The following FAAP24 variants were observed in gnomAD, a reference collection of about 807,000 sequenced individuals.
FAAP24 encodes FA core complex associated protein 24.
A neutral mutation model predicts 14.3 loss-of-function variants in FAAP24; 16 were observed. That is an observed-to-expected ratio of 1.12 (90% CI 0.76 to 1.69). FAAP24 has a LOEUF of 1.69. Ranked by LOEUF, FAAP24 falls within the 40% of genes most tolerant of loss-of-function variation. FAAP24 has a pLI of 0.00. For missense variants in FAAP24, 234 were observed against 262.7 expected (o/e 0.89, Z 0.75); for synonymous variants, 111 against 106.2 (o/e 1.04, Z -0.28).
At position 32,974,100 on chromosome 19, in the gene FAAP24, G is replaced by A. The variant is rs78628256; in HGVS notation, c.284G>A (p.Arg95Gln). 874 of 1,614,094 alleles carry A rather than the reference G, an allele frequency of 5.4e-4. 4 individuals are homozygous for A. The African/African-American group carries it at 9.7e-3, about 18-fold the overall frequency. Residue 95 changes from arginine (R) to glutamine (Q), a missense_variant, in exon 4 of 5, where the codon CGG becomes CAG. By Grantham distance (43) the Arg-to-Gln change is conservative. Transcript: ENST00000588258. ...LKGIVVVEKT[R>Q]MSEQYFPALQ... ...GGAATTGTAGTCGTTGAAAAAACCC[G>A]GATGAGTGAACAATACTTCCCAGCC...
intron 2 of FAAP24, 57 bp downstream of exon 2, chr19:32,973,359 A>G: frequency 6.3e-7 from 1 of 1,594,792 alleles, no homozygotes; most frequent in Non-Finnish European, 8.5e-7. Context: ...AAAAAAAAAA[A>G]TCTGCCTATT....
At chr19:32,973,034 TAA>T in intron 1 of FAAP24, 148 bp from the exon 2 acceptor site, 1 of 627,038 alleles carries the variant, frequency 1.6e-6, no homozygotes, top group African/African-American at 1.8e-5. Context: ...TTCTTATTAG[TAA>T]TTATAAAGGG....
In FAAP24 at chr19:32,974,225, T is replaced by A. The variant is rs1456886528; in HGVS notation, c.396+13T>A. ...CGTCATCCAGTTGGTGAGTACCGAT[T>A]CCTACACCTTCGTGGTAGTCCTGTC... is the stretch of plus-strand genomic sequence containing the variant. On this transcript the variant is annotated intron_variant, in intron 4 of 4. Coordinates refer to ENST00000588258, the MANE Select transcript of FAAP24 (RefSeq NM_152266.5). The A allele has an allele frequency of 6.2e-7, 1 of 1,606,988 alleles. No individual in the cohort carries two copies. Among genetic ancestry groups the A allele is most frequent in the Admixed American group, 1.7e-5 (1 of 58,118 alleles).
At position 32,974,168 on chromosome 19, in the gene FAAP24, C is replaced by G. The variant is rs370748501; in HGVS notation, c.352C>G (p.Pro118Ala). Residue 118 changes from proline (P) to alanine (A), a missense_variant, in exon 4 of 5, where the codon CCA becomes GCA. Physicochemically the swap from Pro to Ala is conservative, Grantham distance 27. Transcript: ENST00000588258. ...GCTGGACCTTGGAATGGTGCTGCTT[C>G]CAGTGGCCAGCCAGATGGAAGCATC... ...TVLDLGMVLLPVASQMEASCL... is the reference protein window; with the variant it reads ...TVLDLGMVLLAVASQMEASCL... 2.2e-5 allele frequency: 35 copies of G among 1,613,798 alleles called. No homozygotes were observed. Among genetic ancestry groups the G allele is most frequent in the Non-Finnish European group, 2.8e-5 (33 of 1,179,996 alleles).
Position 32,973,466 on chromosome 19 carries a change from C to G in FAAP24, c.147C>G (p.Asp49Glu). The change falls in exon 3 of 5, where the codon GAC becomes GAG. Residue 49 changes from aspartate (D) to glutamate (E), a missense_variant. Coordinates refer to ENST00000588258, the MANE Select transcript of FAAP24 (RefSeq NM_152266.5). ...TTTTCGAGGATGGCTTGACACCAGA[C>G]TTTTATCTGTCGAACAGATGCTGCA... ...KLIFEDGLTP[D>E]FYLSNRCCIL... 2 of 1,614,218 alleles carry G rather than the reference C, an allele frequency of 1.2e-6. No homozygotes were observed. The highest frequency in any genetic ancestry group is 2.7e-5 in the African/African-American group (2 of 75,050).
rs1336576213 is a variant in FAAP24, at chr19:32,977,969, GA to G, written c.*1289del. ...TTGAAAACTCAACATGCATGAGGCAGAACAGGCTGTGTTTGTATATGAAAGG... is the reference window on the plus strand; with the variant it reads ...TTGAAAACTCAACATGCATGAGGCAGACAGGCTGTGTTTGTATATGAAAGG... On this transcript the variant is annotated 3_prime_UTR_variant, in exon 5 of 5. Transcript: ENST00000588258. 2.6e-5 allele frequency: 4 copies of G among 151,558 alleles called. No individual in the cohort carries two copies. The highest frequency in any genetic ancestry group is 9.7e-5 in the African/African-American group (4 of 41,192). The allele number at this position is 151,558 out of a possible 1,614,324, so 9.4% of individuals were successfully genotyped here. A position where few individuals can be genotyped will look rare whatever the true frequency, so the allele number is the denominator to read the frequency against.
Position 32,972,705 on chromosome 19 carries a change from TTTTTC to T in FAAP24, c.-14+369_-14+373del, listed in dbSNP as rs201584696. Among the ~76,000 whole-genome samples the T allele has an allele frequency of 2.6e-3, 314 of 120,352 alleles. 9 individuals carry two copies. The highest frequency in any genetic ancestry group is 6.6e-3 in the African/African-American group (200 of 30,392). 79.0% of individuals were successfully genotyped at this position (120,352 alleles called of 152,430 possible). A position where few individuals can be genotyped will look rare whatever the true frequency, so the allele number is the denominator to read the frequency against. On this transcript the variant is annotated intron_variant, in intron 1 of 4. Coordinates refer to ENST00000588258, the MANE Select transcript of FAAP24 (RefSeq NM_152266.5). ...CCTTCATTCAGGCCTTTGTGTTTTCTTTTTCTTTTCTTTTTTTTTTTTTTTTTTGA... is the reference window on the plus strand; with the variant it reads ...CCTTCATTCAGGCCTTTGTGTTTTCTTTTTCTTTTTTTTTTTTTTTTTTGA...
Position 32,974,051 on chromosome 19 carries a change from C to G in FAAP24, c.244-9C>G. ...TGCAAAATGACTTACTGTCTTTTTT[C>G]CTTTCAAGTCCAATAATCTTAAAGG... is the stretch of plus-strand genomic sequence containing the variant. On this transcript the variant is annotated splice_polypyrimidine_tract_variant and intron_variant, in intron 3 of 4. Coordinates refer to ENST00000588258, the MANE Select transcript of FAAP24 (RefSeq NM_152266.5). 6.2e-7 allele frequency: 1 copy of G among 1,611,570 alleles called. No homozygotes were observed. The highest frequency in any genetic ancestry group is 1.1e-5 in the South Asian group (1 of 90,462).
At position 32,973,533 on chromosome 19, in the gene FAAP24, T is replaced by C. The variant is rs759701618; in HGVS notation, c.214T>C (p.Tyr72His). 1 of 1,614,214 alleles carries C rather than the reference T, an allele frequency of 6.2e-7. No homozygotes were observed. The highest frequency in any genetic ancestry group is 1.1e-5 in the South Asian group (1 of 91,086). ...AGCTGATTTGGTGGCAGGAAATGGC[T>C]ACAGAAAGAGGCTTGTTCGGGTTAG... ...TEADLVAGNG[Y>H]RKRLVRVRNS... The change falls in exon 3 of 5, where the codon TAC becomes CAC. Residue 72 changes from tyrosine to histidine, a missense_variant. Tyr to His is a moderately conservative substitution (Grantham distance 83, BLOSUM62 2). Coordinates refer to ENST00000588258, the MANE Select transcript of FAAP24 (RefSeq NM_152266.5).
chr19:32,973,657 C>A, intron 3 of FAAP24, 95 bp downstream of exon 3: 5 of 1,284,294 alleles, frequency 3.9e-6, no homozygotes, highest in Non-Finnish European at 5.5e-6. Context: ...TAGTTGGAGA[C>A]CAGCCTGGCC....
chr19:32,976,826 T>A lies in FAAP24; in HGVS notation c.*144T>A, dbSNP rs2145993056. On this transcript the variant is annotated 3_prime_UTR_variant, in exon 5 of 5. Coordinates refer to ENST00000588258, the MANE Select transcript of FAAP24 (RefSeq NM_152266.5). ...ACTTTGGGAGGCCGAAGACAGCGGA[T>A]CATCTGAGGTCAGGAGTTCAAGACC... 9.6e-7 allele frequency: 1 copy of A among 1,039,536 alleles called. No individual in the cohort carries two copies. The highest frequency in any genetic ancestry group is 1.4e-6 in the Non-Finnish European group (1 of 733,968). 64.4% of individuals were successfully genotyped at this position (1,039,536 alleles called of 1,614,324 possible). A position where few individuals can be genotyped will look rare whatever the true frequency, so the allele number is the denominator to read the frequency against.
intron 3 of FAAP24, 59 bp downstream of exon 3, chr19:32,973,621 A>AGCG: frequency 6.3e-7 from 1 of 1,577,948 alleles, no homozygotes; most frequent in Non-Finnish European, 8.7e-7. Context: ...TTGGGAGGCC[A>AGCG]AGGCGGGTGG....
chr19:32,973,348 A>T (rs753106057), intron 2 of FAAP24, 46 bp downstream of exon 2: 29 of 570,178 alleles, frequency 5.1e-5, no homozygotes, highest in Admixed American at 4.6e-4. Context: ...CTGACATATT[A>T]AAAAAAAAAA....
intron 4 of FAAP24, among the ~76,000 whole-genome samples, chr19:32,976,078 C>T (rs897883265): frequency 6.6e-6 from 1 of 152,196 alleles, no homozygotes; most frequent in Non-Finnish European, 1.5e-5. Flanking sequence ...AGGCAGGCTT[C>T]CTGCAGCTCC....
At position 32,974,219 on chromosome 19, in the gene FAAP24, AC is replaced by A. The variant is rs1165321917; in HGVS notation, c.396+9del. ...CTGCCTCGTCATCCAGTTGGTGAGT[AC>A]CGATTCCTACACCTTCGTGGTAGTC... On this transcript the variant is annotated splice_region_variant and intron_variant, in intron 4 of 4. Coordinates refer to ENST00000588258, the MANE Select transcript of FAAP24 (RefSeq NM_152266.5). 1.2e-6 allele frequency: 2 copies of A among 1,610,306 alleles called. No homozygotes were observed. The highest frequency in any genetic ancestry group is 1.7e-6 in the Non-Finnish European group (2 of 1,178,838).
intron 1 of FAAP24, 67 bp from the exon 2 acceptor site, chr19:32,973,117 T>C (rs1296716911): frequency 1.6e-6 from 2 of 1,226,196 alleles, no homozygotes; most frequent in East Asian, 2.4e-5. Context: ...GGCCCTGGCT[T>C]GGAGTGGAAT....
rs147085502 is a variant in FAAP24, at chr19:32,976,560, C to T, written c.526C>T (p.Leu176Phe). 252 of 1,614,046 alleles carry T rather than the reference C, an allele frequency of 1.6e-4. 1 individual carries two copies. Among genetic ancestry groups the T allele is most frequent in the Non-Finnish European group, 2.4e-5 (28 of 1,180,032 alleles). The change falls in exon 5 of 5, where the codon CTT becomes TTT. Residue 176 changes from leucine to phenylalanine, a missense_variant. Coordinates refer to ENST00000588258, the MANE Select transcript of FAAP24 (RefSeq NM_152266.5). Reference protein sequence around the residue: ...IPGVGKVKAPLLLQKFPSIQQ... With the variant: ...IPGVGKVKAPFLLQKFPSIQQ... ...AGGAGTTGGAAAAGTTAAAGCTCCC[C>T]TTCTCCTCCAGAAGTTTCCAAGCAT...
rs1971532077 is a variant in FAAP24, at chr19:32,977,175, G to A, written c.*493G>A. On this transcript the variant is annotated 3_prime_UTR_variant, in exon 5 of 5. Coordinates refer to ENST00000588258, the MANE Select transcript of FAAP24 (RefSeq NM_152266.5). ...TCTGAGTTCAGCTTGTGAAGTTAGT[G>A]GGCCGCAGAGGGCACTGCCTTCATT... 4 of 401,108 alleles carry A rather than the reference G, an allele frequency of 1.0e-5. No individual in the cohort carries two copies. The Admixed American group carries it at 1.7e-4, about 17-fold the overall frequency. 24.8% of individuals were successfully genotyped at this position (401,108 alleles called of 1,614,324 possible). A position where few individuals can be genotyped will look rare whatever the true frequency, so the allele number is the denominator to read the frequency against.
chr19:32,976,777 C>A lies in FAAP24; in HGVS notation c.*95C>A. 1 of 1,482,962 alleles carries A rather than the reference C, an allele frequency of 6.7e-7. No homozygotes were observed. Among genetic ancestry groups the A allele is most frequent in the Non-Finnish European group, 9.1e-7 (1 of 1,097,172 alleles). 91.9% of individuals were successfully genotyped at this position (1,482,962 alleles called of 1,614,324 possible). A position where few individuals can be genotyped will look rare whatever the true frequency, so the allele number is the denominator to read the frequency against. ...AAACCAAGAGAATGGGCCGGGTGCA[C>A]TGGCTCACGCCTCTAATCTCAGCAC... On this transcript the variant is annotated 3_prime_UTR_variant, in exon 5 of 5. Transcript: ENST00000588258.
Sources: allele counts gnomAD v4.1 joint callset (sites outside exome capture counted in the v4.1 genomes callset), GRCh38; gene constraint gnomAD v4.1.1; transcripts MANE v1.5; gene names NCBI Gene and HGNC (gene_info 2026-07-23, HGNC 2026-07-21).